Variants in PDYN observed in about 807,000 individuals in gnomAD.
The protein encoded by PDYN is proenkephalin-B.
In PDYN, 5 loss-of-function variants were observed where a neutral mutation model predicts 11.4. The ratio of observed to expected loss-of-function variants is 0.44; its 90% CI spans 0.23 to 0.92. The LOEUF is 0.92. Among genes scored for constraint, PDYN ranks in the 40% least tolerant of loss-of-function variants. PDYN has a pLI of 0.24. For missense variants in PDYN, 337 were observed against 317.3 expected (o/e 1.06, Z -0.47); for synonymous variants, 132 against 129.5 (o/e 1.02, Z -0.13).
In PDYN at chr20:1,980,540, G is replaced by C; in HGVS notation, c.548C>G (p.Pro183Arg). The change falls in exon 4 of 4, where the codon CCC becomes CGC. Residue 183 changes from proline (P) to arginine (R), a missense_variant. Physicochemically the swap from Pro to Arg is moderately radical, Grantham distance 103. Coordinates refer to ENST00000217305, the MANE Select transcript of PDYN (RefSeq NM_024411.5). ...CCCAGCCACCTCTGAGCTCCTCTTG[G>C]GGTATTTGCGCAAAAAGCCCCCATA... ...KRYGGFLRKY[P>R]KRSSEVAGEG... 6.2e-7 allele frequency: 1 copy of C among 1,613,624 alleles called. No homozygotes were observed. The highest frequency in any genetic ancestry group is 2.2e-5 in the East Asian group (1 of 44,862).
chr20:1,984,834 G>T (rs1420070660), intron 2 of PDYN, among the ~76,000 whole-genome samples: 1 of 152,092 alleles, frequency 6.6e-6, no homozygotes, highest in Non-Finnish European at 1.5e-5. Flanking sequence ...AGGAGGAAGA[G>T]GTTGCAGTGA....
intron 3 of PDYN, 94 bp downstream of exon 3, chr20:1,982,862 G>T: frequency 7.4e-7 from 1 of 1,358,244 alleles, no homozygotes; most frequent in Non-Finnish European, 1.0e-6. Flanking sequence ...CTACAAGACA[G>T]CACACAGCTG....
chr20:1,985,287 C>T (rs187172233), intron 2 of PDYN, among the ~76,000 whole-genome samples: 130 of 152,188 alleles, frequency 8.5e-4, no homozygotes, highest in African/African-American at 2.7e-3. Context: ...TGATCCCAGC[C>T]GCCATTTATC....
chr20:1,980,509 C>T lies in PDYN; in HGVS notation c.579G>A (p.Gly193=), dbSNP rs774648676. The T allele has an allele frequency of 6.2e-7, 1 of 1,612,808 alleles. No homozygotes were observed. The highest frequency in any genetic ancestry group is 1.1e-5 in the South Asian group (1 of 91,048). The change falls in exon 4 of 4, where the codon GGG becomes GGA. Residue 193 remains glycine (G), a synonymous_variant. Transcript: ENST00000217305. ...CCTCATGGCCCATGCTATCCCCGTC[C>T]CCCTCCCCAGCCACCTCTGAGCTCC... ...PKRSSEVAGE[G]DGDSMGHEDL...
chr20:1,982,409 C>T (rs28640019), intron 3 of PDYN, among the ~76,000 whole-genome samples: 25,307 of 152,154 alleles, frequency 0.17, 2,651 homozygotes, highest in African/African-American at 0.3. Flanking sequence ...TCCCTATGCC[C>T]TTGGTACTTC....
In PDYN at chr20:1,980,842, C is replaced by T. The variant is rs772761350; in HGVS notation, c.246G>A (p.Leu82=). The stretch of plus-strand genomic sequence containing the variant: ...GCCCTTCCCCAACCGACTTGCTCCC[C>T]AAGTCCTCCTTGTCATTGAGCCCAA... ...STLGLNDKED[L]GSKSVGEGPY... Residue 82 remains leucine, a synonymous_variant, in exon 4 of 4, where the codon TTG becomes TTA. Coordinates refer to ENST00000217305, the MANE Select transcript of PDYN (RefSeq NM_024411.5). The T allele has an allele frequency of 5.6e-6, 9 of 1,614,092 alleles. No homozygotes were observed. The highest frequency in any genetic ancestry group is 7.6e-6 in the Non-Finnish European group (9 of 1,180,038).
intron 2 of PDYN, among the ~76,000 whole-genome samples, chr20:1,987,630 G>C (rs1988249214): frequency 6.6e-6 from 1 of 152,204 alleles, no homozygotes; most frequent in Admixed American, 6.5e-5. Context: ...AGAAAGGAGA[G>C]GTAGGACCTC....
At position 1,980,219 on chromosome 20, in the gene PDYN, A is replaced by T; in HGVS notation, c.*104T>A. 8.8e-7 allele frequency: 1 copy of T among 1,135,720 alleles called. No homozygotes were observed. The highest frequency in any genetic ancestry group is 1.3e-6 in the Non-Finnish European group (1 of 749,114). The allele number at this position is 1,135,720 out of a possible 1,614,324, so 70.4% of individuals were successfully genotyped here. A position where few individuals can be genotyped will look rare whatever the true frequency, so the allele number is the denominator to read the frequency against. ...CTTGGATATTTTGTACACAATGCTG[A>T]GCTGAGCATGGGGAAGGGGCACATA... On this transcript the variant is annotated 3_prime_UTR_variant, in exon 4 of 4. Coordinates refer to ENST00000217305, the MANE Select transcript of PDYN (RefSeq NM_024411.5).
At chr20:1,987,349 C>T (rs1040357930) in intron 2 of PDYN, among the ~76,000 whole-genome samples, 8 of 152,162 alleles carry the variant, frequency 5.3e-5, no homozygotes, top group Non-Finnish European at 8.8e-5. Context: ...TGAAAATAAA[C>T]AGGCAATATT....
chr20:1,987,172 G>GCCGGC (rs1424538709), intron 2 of PDYN, among the ~76,000 whole-genome samples: 1 of 152,148 alleles, frequency 6.6e-6, no homozygotes, highest in Non-Finnish European at 1.5e-5. Flanking sequence ...GATGGATAAT[G>GCCGGC]CCGGCTCTCA....
chr20:1,978,933 G>A lies in PDYN; in HGVS notation c.*1390C>T, dbSNP rs982406236. 2.0e-5 allele frequency: 3 copies of A among 152,216 alleles called. No individual in the cohort carries two copies. Among genetic ancestry groups the A allele is most frequent in the African/African-American group, 7.2e-5 (3 of 41,438 alleles). 9.4% of individuals were successfully genotyped at this position (152,216 alleles called of 1,614,324 possible). On this transcript the variant is annotated 3_prime_UTR_variant, in exon 4 of 4. Transcript: ENST00000217305. ...CATCAGATACCTGGGGACTGCGCAT[G>A]AAGAGATGTGCTCAGCAGCATCTTA...
intron 2 of PDYN, among the ~76,000 whole-genome samples, chr20:1,989,322 G>A (rs1988331687): frequency 6.6e-6 from 1 of 152,130 alleles, no homozygotes; most frequent in Non-Finnish European, 1.5e-5. Flanking sequence ...AGGACCTGGG[G>A]AGGCTTGCCT....
intron 1 of PDYN, among the ~76,000 whole-genome samples, chr20:1,992,897 T>C (rs775469577): frequency 1.1e-4 from 16 of 152,042 alleles, no homozygotes; most frequent in Non-Finnish European, 1.9e-4. Flanking sequence ...GGGAGGGGAA[T>C]TGAAATCAGA....
At chr20:1,987,803 A>G (rs742620) in intron 2 of PDYN, among the ~76,000 whole-genome samples, 8,522 of 152,290 alleles carry the variant, frequency 0.056, 756 homozygotes, top group African/African-American at 0.19. Flanking sequence ...CAGAGGGTGG[A>G]CATAGGAACT....
intron 2 of PDYN, among the ~76,000 whole-genome samples, chr20:1,985,773 T>G (rs1267601007): frequency 1.3e-5 from 2 of 152,202 alleles, no homozygotes; most frequent in African/African-American, 4.8e-5. Flanking sequence ...TGTGTCTTTC[T>G]CTTCCCCTTG....
chr20:1,981,807 T>C (rs182511940), intron 3 of PDYN, among the ~76,000 whole-genome samples: 15 of 152,062 alleles, frequency 9.9e-5, no homozygotes, highest in African/African-American at 3.6e-4. Context: ...GCACCTGTAG[T>C]CTCAGCTACT....
rs2281284 is a variant in PDYN, at chr20:1,991,050, G to A, written c.-20+1534C>T. Among the ~76,000 whole-genome samples, 92 of 152,078 alleles carry A rather than the reference G, an allele frequency of 6.0e-4. No individual in the cohort carries two copies. In the East Asian group the frequency reaches 0.017, roughly 29 times the overall value. ...GGAAGAAGAGGGAAAAAAGGGAAGGGAAGTGAACACAATAAGAGAGAGAGA... is the reference window on the plus strand; with the variant it reads ...GGAAGAAGAGGGAAAAAAGGGAAGGAAAGTGAACACAATAAGAGAGAGAGA... On this transcript the variant is annotated intron_variant, in intron 2 of 3. Transcript: ENST00000217305.
intron 2 of PDYN, among the ~76,000 whole-genome samples, chr20:1,983,351 T>C (rs971268210): frequency 4.6e-5 from 7 of 152,156 alleles, no homozygotes; most frequent in African/African-American, 1.7e-4. Flanking sequence ...ATCTGCACAA[T>C]AGTTCTTCAA....
rs548749815 is a variant in PDYN, at chr20:1,992,235, T to C, written c.-20+349A>G. On this transcript the variant is annotated intron_variant, in intron 2 of 3. Transcript: ENST00000217305. Reference sequence around the variant, plus strand: ...CACACAGTAAGTGAGTGGTAGGATCTGGGATTTCAGCCCAGCACTGTTTCA... The same window carrying C: ...CACACAGTAAGTGAGTGGTAGGATCCGGGATTTCAGCCCAGCACTGTTTCA... Among the ~76,000 whole-genome samples the C allele has an allele frequency of 3.9e-5, 6 of 152,358 alleles. No individual in the cohort carries two copies. The East Asian group carries it at 1.2e-3, about 29-fold the overall frequency.
Sources: gnomAD v4.1 joint callset for allele counts (sites outside exome capture counted in the v4.1 genomes callset) on GRCh38, gnomAD v4.1.1 for gene constraint, MANE v1.5 for transcripts, NCBI Gene and HGNC (gene_info 2026-07-23, HGNC 2026-07-21) for gene names.